C10orf88: variants seen among roughly 807,000 people sequenced by gnomAD.
C10orf88 encodes the protein ATPase PAAT.
In C10orf88, 29 loss-of-function variants were observed where a neutral mutation model predicts 34.2. The ratio of observed to expected loss-of-function variants is 0.85; its 90% CI spans 0.63 to 1.16. The LOEUF is 1.16. Among genes scored for constraint, C10orf88 ranks in the 50% most tolerant of loss-of-function variants. C10orf88 has a pLI of 0.00. For missense variants in C10orf88, 507 were observed against 533.2 expected (o/e 0.95, Z 0.48); for synonymous variants, 194 against 197.4 (o/e 0.98, Z 0.15).
chr10:122,938,306 T>C (rs780298806), intron 4 of C10orf88, 147 bp from the exon 5 acceptor site: 1 of 693,150 alleles, frequency 1.4e-6, no homozygotes, highest in Non-Finnish European at 2.3e-6. Flanking sequence ...ATCCCAATAT[T>C]AAGCTGAGGA....
chr10:122,939,238 CTA>C (rs1848562490), intron 4 of C10orf88, among the ~76,000 whole-genome samples: 1 of 150,646 alleles, frequency 6.6e-6, no homozygotes, highest in East Asian at 1.9e-4. Flanking sequence ...CTCACAGAGC[CTA>C]TATGACAGGG....
At chr10:122,937,503 C>G (rs1321250895) in intron 5 of C10orf88, among the ~76,000 whole-genome samples, 1 of 151,956 alleles carries the variant, frequency 6.6e-6, no homozygotes, top group Non-Finnish European at 1.5e-5. Flanking sequence ...GCAAAACCTC[C>G]AGTTATAGGG....
rs1848657138 is a variant in C10orf88, at chr10:122,948,224, T to G, written c.648+425A>C. Among the ~76,000 whole-genome samples the G allele has an allele frequency of 2.0e-5, 3 of 152,208 alleles. No homozygotes were observed. The South Asian group carries it at 6.2e-4, about 32-fold the overall frequency. On this transcript the variant is annotated intron_variant, in intron 4 of 5. Coordinates refer to ENST00000481909, the MANE Select transcript of C10orf88 (RefSeq NM_024942.4). Reference sequence around the variant, plus strand: ...TTATTTTTTGTCTGAAATGGCCTTCTTCCAAATTTACTTGTCTAATCCCAC... The same window carrying G: ...TTATTTTTTGTCTGAAATGGCCTTCGTCCAAATTTACTTGTCTAATCCCAC...
chr10:122,944,561 T>C (rs1459991793), intron 4 of C10orf88, among the ~76,000 whole-genome samples: 4 of 152,052 alleles, frequency 2.6e-5, no homozygotes, highest in Admixed American at 6.6e-5. Flanking sequence ...CAAATCACAA[T>C]GTACATAAAA....
At chr10:122,949,819 G>A (rs991731990) in intron 3 of C10orf88, among the ~76,000 whole-genome samples, 6 of 152,066 alleles carry the variant, frequency 3.9e-5, no homozygotes, top group Non-Finnish European at 5.9e-5. Flanking sequence ...CATGTAAAAC[G>A]TTTACTGAAA....
chr10:122,950,002 A>G (rs1848676256), intron 3 of C10orf88, among the ~76,000 whole-genome samples: 1 of 152,218 alleles, frequency 6.6e-6, no homozygotes, highest in Non-Finnish European at 1.5e-5. Flanking sequence ...TCTGGCTTCT[A>G]TCCCTGTAGT....
chr10:122,949,456 C>T (rs1848670769), intron 3 of C10orf88, among the ~76,000 whole-genome samples: 1 of 152,112 alleles, frequency 6.6e-6, no homozygotes, highest in South Asian at 2.1e-4. Context: ...CATTGTAATA[C>T]AGGATTAGGC....
intron 4 of C10orf88, among the ~76,000 whole-genome samples, chr10:122,939,199 A>G (rs979194968): frequency 6.6e-6 from 1 of 151,978 alleles, no homozygotes; most frequent in Admixed American, 6.6e-5. Flanking sequence ...GAAATACAGC[A>G]GCGAACAAAA....
chr10:122,941,759 C>T lies in C10orf88; in HGVS notation c.649-3600G>A, dbSNP rs151236888. On this transcript the variant is annotated intron_variant, in intron 4 of 5. Coordinates refer to ENST00000481909, the MANE Select transcript of C10orf88 (RefSeq NM_024942.4). ...TTTAAAAGGACACAGAACTGTTTAT[C>T]ACCTTCTTTCTTCCCCAGGGTGTCC... Among the ~76,000 whole-genome samples, 198 of 152,224 alleles carry T rather than the reference C, an allele frequency of 1.3e-3. 1 individual carries two copies. The highest frequency in any genetic ancestry group is 4.5e-3 in the African/African-American group (185 of 41,558).
chr10:122,937,566 T>C, intron 5 of C10orf88, 139 bp downstream of exon 5: 1 of 667,206 alleles, frequency 1.5e-6, no homozygotes, highest in Non-Finnish European at 2.5e-6. Context: ...TTAAGTGTAT[T>C]AATGGTAAAA....
At chr10:122,950,947 GTAATGA>G (rs1194788616) in intron 3 of C10orf88, among the ~76,000 whole-genome samples, 3 of 152,044 alleles carry the variant, frequency 2.0e-5, no homozygotes, top group Non-Finnish European at 2.9e-5. Flanking sequence ...TCTTCTATAA[GTAATGA>G]TAATAAGTAC....
At chr10:122,948,560 G>T (rs1332181923) in intron 4 of C10orf88, 89 bp downstream of exon 4, 2 of 1,261,950 alleles carry the variant, frequency 1.6e-6, no homozygotes, top group Admixed American at 4.6e-5. Flanking sequence ...CAGTATGAAA[G>T]AAAAATTTTA....
At chr10:122,939,637 G>A (rs1482066074) in intron 4 of C10orf88, among the ~76,000 whole-genome samples, 2 of 151,858 alleles carry the variant, frequency 1.3e-5, no homozygotes, top group East Asian at 1.9e-4. Context: ...GATGAATTAT[G>A]TAAAATTATA....
chr10:122,948,306 T>G (rs1564722691), intron 4 of C10orf88, among the ~76,000 whole-genome samples: 7 of 152,190 alleles, frequency 4.6e-5, no homozygotes. Flanking sequence ...CTTTCCTTAG[T>G]GTTTTCATCA....
At chr10:122,933,496 C>T (rs1270001050) in intron 5 of C10orf88, 1 of 152,084 alleles carries the variant, frequency 6.6e-6, no homozygotes, top group Non-Finnish European at 1.5e-5. Context: ...AGAATGTGGT[C>T]CACAGAACCT....
At chr10:122,951,533 C>G (rs1220334319) in intron 3 of C10orf88, among the ~76,000 whole-genome samples, 1 of 151,238 alleles carries the variant, frequency 6.6e-6, no homozygotes, top group Non-Finnish European at 1.5e-5. Flanking sequence ...GAGAAAAAGT[C>G]TACTCACTGG....
intron 3 of C10orf88, 114 bp from the exon 4 acceptor site, chr10:122,948,969 C>A: frequency 1.1e-6 from 1 of 944,256 alleles, no homozygotes; most frequent in Non-Finnish European, 1.5e-6. Context: ...TAAAAATTAA[C>A]TTCAAGTATA....
intron 4 of C10orf88, among the ~76,000 whole-genome samples, chr10:122,944,351 A>G (rs2133333244): frequency 7.6e-6 from 1 of 131,898 alleles, no homozygotes; most frequent in Non-Finnish European, 1.6e-5. Context: ...CAGGAAGGGG[A>G]ACATCACACT....
intron 4 of C10orf88, among the ~76,000 whole-genome samples, chr10:122,940,497 A>T (rs1174542467): frequency 6.6e-6 from 1 of 152,064 alleles, no homozygotes; most frequent in Admixed American, 6.6e-5. Flanking sequence ...AACAGTGTCT[A>T]TAGTTAACAA....
Sources: allele counts gnomAD v4.1 joint callset (sites outside exome capture counted in the v4.1 genomes callset), GRCh38; gene constraint gnomAD v4.1.1; transcripts MANE v1.5; gene names NCBI Gene and HGNC (gene_info 2026-07-23, HGNC 2026-07-21).